The following NOS1AP variants were observed in gnomAD, a reference collection of about 807,000 sequenced individuals.
The protein encoded by NOS1AP is nitric oxide synthase 1 adaptor protein.
In NOS1AP, 21 loss-of-function variants were observed where a neutral mutation model predicts 56.2. The ratio of observed to expected loss-of-function variants is 0.37; its 90% CI spans 0.26 to 0.54. The LOEUF is 0.54. NOS1AP is among the 20% of genes least tolerant of loss of function. The pLI is 0.84. For missense variants in NOS1AP, 522 were observed against 657.8 expected (o/e 0.79, Z 2.26); for synonymous variants, 270 against 274.6 (o/e 0.98, Z 0.17).
intron 6 of NOS1AP, among the ~76,000 whole-genome samples, chr1:162,344,708 C>CAA (rs60286000): frequency 0.012 from 1,632 of 135,196 alleles, 32 homozygotes; most frequent in African/African-American, 0.042. Flanking sequence ...TAGGCTGCCT[C>CAA]AAAAAAAAAA....
At chr1:162,231,617 A>G (rs867068188) in intron 2 of NOS1AP, among the ~76,000 whole-genome samples, 2 of 152,242 alleles carry the variant, frequency 1.3e-5, no homozygotes, top group African/African-American at 4.8e-5. Context: ...ACTAATGTAC[A>G]GTTAGTACAA....
chr1:162,252,242 T>C (rs900593909), intron 2 of NOS1AP, among the ~76,000 whole-genome samples: 1 of 152,074 alleles, frequency 6.6e-6, no homozygotes, highest in African/African-American at 2.4e-5. Flanking sequence ...AGAGGAGGTT[T>C]CACCATATTT....
chr1:162,336,750 G>T (rs934735107), intron 5 of NOS1AP, among the ~76,000 whole-genome samples: 5 of 152,180 alleles, frequency 3.3e-5, no homozygotes, highest in Non-Finnish European at 7.3e-5. Flanking sequence ...AGCCTTTCTG[G>T]ACTTGAGTTT....
intron 1 of NOS1AP, among the ~76,000 whole-genome samples, chr1:162,100,286 C>T (rs1397272003): frequency 2.0e-5 from 3 of 151,754 alleles, no homozygotes; most frequent in East Asian, 3.9e-4. Context: ...ACATCCTCTC[C>T]AGCACCTGTT....
chr1:162,163,272 T>A (rs1650316577), intron 2 of NOS1AP, among the ~76,000 whole-genome samples: 1 of 152,164 alleles, frequency 6.6e-6, no homozygotes, highest in Admixed American at 6.5e-5. Flanking sequence ...AGAAAACACT[T>A]GATAGGGATT....
rs560981544 is a variant in NOS1AP at position 162,364,852 on chromosome 1, A to G, written c.940-552A>G. ...TAAAAAGCCATGTGTAGTGCTTCCT[A>G]TTTCTCACTATGTTTGGGTGAGTGG... On this transcript the variant is annotated intron_variant, in intron 8 of 9. Coordinates refer to ENST00000361897, the MANE Select transcript of NOS1AP (RefSeq NM_014697.3). The G allele has an allele frequency of 6.6e-5, 65 of 991,836 alleles. No homozygotes were observed. In the African/African-American group the frequency reaches 1.0e-3, roughly 16 times the overall value. 61.4% of individuals were successfully genotyped at this position (991,836 alleles called of 1,614,324 possible).
chr1:162,311,715 G>T (rs1488437729), intron 4 of NOS1AP, among the ~76,000 whole-genome samples: 6 of 145,686 alleles, frequency 4.1e-5, no homozygotes, highest in African/African-American at 1.5e-4. Flanking sequence ...TATATCTCCC[G>T]ATGCTATCCC....
chr1:162,167,836 A>G (rs906589698), intron 2 of NOS1AP, among the ~76,000 whole-genome samples: 1 of 152,220 alleles, frequency 6.6e-6, no homozygotes, highest in Admixed American at 6.5e-5. Flanking sequence ...TGCTCCGGGC[A>G]TATGTTACTT....
intron 1 of NOS1AP, among the ~76,000 whole-genome samples, chr1:162,148,298 G>C (rs1385868122): frequency 6.6e-6 from 1 of 152,310 alleles, no homozygotes; most frequent in East Asian, 1.9e-4. Context: ...AGCATCTCCT[G>C]TGTACCTGGA....
intron 5 of NOS1AP, among the ~76,000 whole-genome samples, chr1:162,343,280 G>A (rs1189397534): frequency 6.6e-6 from 1 of 152,178 alleles, no homozygotes. Context: ...GAGGTCTTTG[G>A]AGTAAGTCTG....
chr1:162,091,795 A>G (rs1692135692), intron 1 of NOS1AP, among the ~76,000 whole-genome samples: 1 of 152,182 alleles, frequency 6.6e-6, no homozygotes, highest in African/African-American at 2.4e-5. Context: ...GCCCAGGAGC[A>G]TGTGGAGTGC....
intron 4 of NOS1AP, among the ~76,000 whole-genome samples, chr1:162,314,580 C>T (rs182988472): frequency 1.0e-3 from 155 of 152,222 alleles, no homozygotes; most frequent in Admixed American, 4.7e-3. Flanking sequence ...AAAGTGTGTG[C>T]AAAATAAAAC....
chr1:162,081,774 A>ATTTTTTTTTTTTTTT (rs59767273), intron 1 of NOS1AP, among the ~76,000 whole-genome samples: 23 of 44,002 alleles, frequency 5.2e-4, no homozygotes, highest in South Asian at 1.5e-3. Flanking sequence ...ATATATATAT[A>ATTTTTTTTTTTTTTT]TTTTTTTTTT....
chr1:162,200,826 C>T (rs1182082323), intron 2 of NOS1AP, among the ~76,000 whole-genome samples: 2 of 152,312 alleles, frequency 1.3e-5, no homozygotes, highest in Admixed American at 6.5e-5. Context: ...GATGAGGTAT[C>T]TAGAACAAGG....
At chr1:162,345,910 T>TA (rs1347206449) in intron 6 of NOS1AP, among the ~76,000 whole-genome samples, 1 of 152,138 alleles carries the variant, frequency 6.6e-6, no homozygotes, top group African/African-American at 2.4e-5. Context: ...TGTGAAAATT[T>TA]AAAAAAACAA....
intron 2 of NOS1AP, among the ~76,000 whole-genome samples, chr1:162,204,051 T>C (rs1571124550): frequency 6.6e-6 from 1 of 151,604 alleles, no homozygotes; most frequent in Admixed American, 6.6e-5. Context: ...ATGGCCAGAG[T>C]GCTCTTTCAA....
intron 6 of NOS1AP, among the ~76,000 whole-genome samples, chr1:162,350,878 T>G (rs1259495326): frequency 6.6e-6 from 1 of 152,182 alleles, no homozygotes; most frequent in Non-Finnish European, 1.5e-5. Flanking sequence ...AGGTTGAGCA[T>G]CCTTAATCTG....
chr1:162,109,676 C>A (rs568982283), intron 1 of NOS1AP, among the ~76,000 whole-genome samples: 13 of 152,076 alleles, frequency 8.5e-5, no homozygotes, highest in Non-Finnish European at 1.8e-4. Flanking sequence ...AAGGGAATTT[C>A]TGAAAAGTTC....
In NOS1AP at chr1:162,155,778, A is replaced by G. The variant is rs559105764; in HGVS notation, c.177+1302A>G. 7.2e-5 allele frequency among the ~76,000 whole-genome samples: 11 copies of G among 152,292 alleles called. No homozygotes were observed. The South Asian group carries it at 2.3e-3, about 32-fold the overall frequency. ...AGAATAAATTACCTTGTACTTGTGC[A>G]TTTCAAAGGTAGGTTTGGGATTGGT... On this transcript the variant is annotated intron_variant, in intron 2 of 9. Coordinates refer to ENST00000361897, the MANE Select transcript of NOS1AP (RefSeq NM_014697.3).
Sources: gnomAD v4.1 joint callset for allele counts (sites outside exome capture counted in the v4.1 genomes callset) on GRCh38, gnomAD v4.1.1 for gene constraint, MANE v1.5 for transcripts, NCBI Gene and HGNC (gene_info 2026-07-23, HGNC 2026-07-21) for gene names.